The following TIPARP variants were observed in gnomAD, a reference collection of about 807,000 sequenced individuals.
TIPARP encodes TCDD inducible poly(ADP-ribose) polymerase.
In TIPARP, 12 loss-of-function variants were observed where a neutral mutation model predicts 56.5. That is an observed-to-expected ratio of 0.21 (90% CI 0.14 to 0.34). TIPARP has a LOEUF of 0.34. TIPARP is among the 10% of genes least tolerant of loss of function. TIPARP has a pLI of 1.00. For synonymous variants in TIPARP, 296 were observed against 265.7 expected, an observed-to-expected ratio of 1.11 and a Z score of -1.11; for missense variants, 604 against 781.6, an observed-to-expected ratio of 0.77 and a Z score of 2.71.
rs750957505 is a variant in TIPARP at position 156,677,670 on chromosome 3, T to A, written c.-28T>A. 2.6e-6 allele frequency: 4 copies of A among 1,530,702 alleles called. No homozygotes were observed. The highest frequency in any genetic ancestry group is 3.5e-6 in the Non-Finnish European group (4 of 1,143,510). The allele number at this position is 1,530,702 out of a possible 1,614,324, so 94.8% of individuals were successfully genotyped here. A position where few individuals can be genotyped will look rare whatever the true frequency, so the allele number is the denominator to read the frequency against. ...CTTTCCTCGTAGGATTTTTAGACTC[T>A]GAGGAGCAGTTGGAGCTAATCCACA... On this transcript the variant is annotated 5_prime_UTR_variant, in exon 2 of 6. Transcript: ENST00000295924.
rs143409745 is a variant in TIPARP at position 156,695,893 on chromosome 3, A to C, written c.1115A>C (p.Asn372Thr). 1.5e-3 allele frequency: 2,392 copies of C among 1,558,246 alleles called. 4 individuals carry two copies. Among genetic ancestry groups the C allele is most frequent in the Non-Finnish European group, 1.9e-3 (2,244 of 1,159,282 alleles). Residue 372 changes from asparagine to threonine, a missense_variant, in exon 4 of 6, where the codon AAC becomes ACC. Transcript: ENST00000295924. ...GTCATTCGATTGATTGAAGAAGCCA[A>C]CTCTCGGGGTCTGAAAGAGGTTCGA... is the stretch of plus-strand genomic sequence containing the variant. ...ESVIRLIEEA[N>T]SRGLKEVRFM...
At chr3:156,694,783 T>C (rs552181347) in intron 3 of TIPARP, among the ~76,000 whole-genome samples, 2 of 152,214 alleles carry the variant, frequency 1.3e-5, no homozygotes, top group African/African-American at 4.8e-5. Context: ...GAATGACAAT[T>C]CTGAGTCATT....
At chr3:156,694,474 G>C (rs1304510917) in intron 3 of TIPARP, among the ~76,000 whole-genome samples, 1 of 152,110 alleles carries the variant, frequency 6.6e-6, no homozygotes. Context: ...ATTTTGACCT[G>C]TTGCCGCCTG....
chr3:156,704,602 A>C, intron 5 of TIPARP, 82 bp from the exon 6 acceptor site: 3 of 1,413,006 alleles, frequency 2.1e-6, no homozygotes, highest in Non-Finnish European at 2.9e-6. Flanking sequence ...AAAACCATAA[A>C]GAGAAGTTTA....
In TIPARP at chr3:156,705,111, A is replaced by G. The variant is rs772548229; in HGVS notation, c.1954A>G (p.Ser652Gly). Reference sequence around the variant, plus strand: ...TTTTGTTATCCAATATGAAGAAGTCAGTAACACTGTTTCCATTTGAAAAAT... The same window carrying G: ...TTTTGTTATCCAATATGAAGAAGTCGGTAACACTGTTTCCATTTGAAAAAT... ...PYFVIQYEEV[S>G]NTVSI The change falls in exon 6 of 6, where the codon AGT (serine) becomes GGT (glycine). Residue 652 changes from serine (S) to glycine (G), a missense_variant. Around this residue, in one of 4 missense-constraint regions of TIPARP, gnomAD observed 77 missense variants for 161.0 expected, o/e 0.48. Coordinates refer to ENST00000295924, the MANE Select transcript of TIPARP (RefSeq NM_015508.5). The G allele has an allele frequency of 1.6e-5, 24 of 1,529,954 alleles. No individual in the cohort carries two copies. The East Asian group carries it at 4.7e-4, about 30-fold the overall frequency. The allele number at this position is 1,529,954 out of a possible 1,614,324, so 94.8% of individuals were successfully genotyped here.
chr3:156,686,330 A>AAAGTTAC (rs1285532966), intron 2 of TIPARP, among the ~76,000 whole-genome samples: 3 of 152,218 alleles, frequency 2.0e-5, no homozygotes, highest in Non-Finnish European at 2.9e-5. Context: ...TCCCTCAGAA[A>AAAGTTAC]AAGTTACCAA....
At chr3:156,676,702 TTTTCAAA>T (rs1722139408) in intron 1 of TIPARP, 1 of 152,226 alleles carries the variant, frequency 6.6e-6, no homozygotes, top group African/African-American at 2.4e-5. Context: ...TCAGTAAATG[TTTTCAAA>T]TTTCAGTTTT....
intron 4 of TIPARP, among the ~76,000 whole-genome samples, chr3:156,700,627 G>A (rs900226882): frequency 1.3e-5 from 2 of 152,158 alleles, no homozygotes; most frequent in Admixed American, 1.3e-4. Context: ...AGCAAACAAA[G>A]CTTAGGGGTT....
intron 2 of TIPARP, among the ~76,000 whole-genome samples, chr3:156,686,333 G>C (rs2108490301): frequency 6.6e-6 from 1 of 152,250 alleles, no homozygotes; most frequent in Middle Eastern, 3.4e-3. Flanking sequence ...CTCAGAAAAA[G>C]TTACCAATTT....
rs575980562 is a variant in TIPARP, at chr3:156,694,315, A to G, written c.1086+127A>G. On this transcript the variant is annotated intron_variant, in intron 3 of 5. Coordinates refer to ENST00000295924, the MANE Select transcript of TIPARP (RefSeq NM_015508.5). ...GCATATAATCAAACAGCTTATGAAT[A>G]TAAAATTGAGTCTCATTGATACAAG... is the stretch of plus-strand genomic sequence containing the variant. 6.4e-6 allele frequency: 5 copies of G among 782,026 alleles called. No individual in the cohort carries two copies. The African/African-American group carries it at 9.0e-5, about 14-fold the overall frequency. The allele number at this position is 782,026 out of a possible 1,614,324, so 48.4% of individuals were successfully genotyped here.
chr3:156,705,711 G>A lies in TIPARP; in HGVS notation c.*580G>A, dbSNP rs1722962644. On this transcript the variant is annotated 3_prime_UTR_variant, in exon 6 of 6. Coordinates refer to ENST00000295924, the MANE Select transcript of TIPARP (RefSeq NM_015508.5). ...GAGAACATCAGTGACTTTAACTTCTGCAGAGTTTGCCCCAGAATTCAGAGT... is the reference window on the plus strand; with the variant it reads ...GAGAACATCAGTGACTTTAACTTCTACAGAGTTTGCCCCAGAATTCAGAGT... 6.6e-6 allele frequency: 1 copy of A among 152,636 alleles called. No individual in the cohort carries two copies. Among genetic ancestry groups the A allele is most frequent in the Non-Finnish European group, 1.5e-5 (1 of 68,046 alleles). The allele number at this position is 152,636 out of a possible 1,614,324, so 9.5% of individuals were successfully genotyped here. A position where few individuals can be genotyped will look rare whatever the true frequency, so the allele number is the denominator to read the frequency against.
chr3:156,702,463 C>T (rs1050987978), intron 4 of TIPARP, among the ~76,000 whole-genome samples: 3 of 152,280 alleles, frequency 2.0e-5, no homozygotes, highest in Admixed American at 2.0e-4. Flanking sequence ...GGAGATGAGA[C>T]ACACAAAGTT....
intron 2 of TIPARP, among the ~76,000 whole-genome samples, chr3:156,679,439 T>C (rs1348639066): frequency 2.0e-5 from 3 of 152,360 alleles, no homozygotes; most frequent in South Asian, 2.1e-4. Context: ...AGTTGCCTCA[T>C]GTAAAGTTGC....
At chr3:156,691,911 A>G (rs572174898) in intron 2 of TIPARP, among the ~76,000 whole-genome samples, 89 of 152,298 alleles carry the variant, frequency 5.8e-4, no homozygotes, top group African/African-American at 1.9e-3. Flanking sequence ...AAGGACTGAC[A>G]TGCACAGAGA....
intron 2 of TIPARP, among the ~76,000 whole-genome samples, chr3:156,681,934 G>A (rs1348444602): frequency 6.6e-6 from 1 of 151,700 alleles, no homozygotes; most frequent in Non-Finnish European, 1.5e-5. Context: ...TTGTGTTTTC[G>A]ATTAAGAAAA....
intron 2 of TIPARP, among the ~76,000 whole-genome samples, chr3:156,683,666 A>G (rs1328587309): frequency 6.6e-6 from 1 of 152,166 alleles, no homozygotes; most frequent in Non-Finnish European, 1.5e-5. Flanking sequence ...TAGAATTTCT[A>G]GATCATAGAT....
intron 2 of TIPARP, among the ~76,000 whole-genome samples, chr3:156,693,378 G>A (rs1400408277): frequency 3.3e-5 from 5 of 152,082 alleles, no homozygotes; most frequent in Non-Finnish European, 7.4e-5. Context: ...AGCAGCAGTC[G>A]ACCAGATAAT....
At chr3:156,687,348 G>A (rs932107404) in intron 2 of TIPARP, among the ~76,000 whole-genome samples, 1 of 152,110 alleles carries the variant, frequency 6.6e-6, no homozygotes. Context: ...TCTCATAAGT[G>A]TAATTTTTAT....
intron 3 of TIPARP, 29 bp from the exon 4 acceptor site, chr3:156,695,836 T>TTTG: frequency 7.7e-7 from 1 of 1,305,074 alleles, no homozygotes; most frequent in Non-Finnish European, 9.7e-7. Context: ...CTTTTTTTTT[T>TTTG]TTTTTTTGTT....
Sources: allele counts gnomAD v4.1 joint callset (sites outside exome capture counted in the v4.1 genomes callset), GRCh38; gene constraint gnomAD v4.1.1; regional missense constraint gnomAD v4.1.1; transcripts MANE v1.5; gene names NCBI Gene and HGNC (gene_info 2026-07-23, HGNC 2026-07-21).